MCF2L: variants seen among roughly 807,000 people sequenced by gnomAD.
MCF2L encodes MCF.2 cell line derived transforming sequence like.
Under a neutral mutation model 153.4 loss-of-function variants are expected in MCF2L, and 97 were observed. The ratio of observed to expected loss-of-function variants is 0.63; its 90% CI spans 0.54 to 0.75. The LOEUF (loss-of-function observed/expected upper bound fraction) is 0.75, where lower values mean the gene tolerates loss of function less well. Among genes scored for constraint, MCF2L ranks in the 30% least tolerant of loss-of-function variants. MCF2L has a pLI of 0.00. For missense variants in MCF2L, 1,347 were observed against 1,495.2 expected (o/e 0.90, Z 1.64); for synonymous variants, 659 against 632.2 (o/e 1.04, Z -0.64).
At chr13:113,016,474 C>T (rs971620880) in intron 2 of MCF2L, among the ~76,000 whole-genome samples, 3 of 152,182 alleles carry the variant, frequency 2.0e-5, no homozygotes, top group Non-Finnish European at 4.4e-5. Context: ...AACCCCTCCA[C>T]GTGGGCCCAG....
rs2033573456 is a variant in MCF2L, at chr13:113,077,079, C to G, written c.1528C>G (p.Gln510Glu). The G allele has an allele frequency of 1.2e-6, 2 of 1,612,588 alleles. No individual in the cohort carries two copies. The highest frequency in any genetic ancestry group is 3.3e-5 in the Admixed American group (2 of 59,966). The change falls in exon 13 of 30, where the codon CAG becomes GAG. Residue 510 changes from glutamine to glutamate, a missense_variant. Physicochemically the swap from Gln to Glu is conservative, Grantham distance 29. Coordinates refer to ENST00000535094, the MANE Select transcript of MCF2L (RefSeq NM_001112732.3). ...MEHVRKVFQK[Q>E]ASMEEVFHRR... ...GCACGTGCGAAAGGTCTTCCAGAAG[C>G]AGGCAAGCATGGAGGAGGTGTTCCA...
intron 5 of MCF2L, among the ~76,000 whole-genome samples, chr13:113,063,320 C>T (rs569692910): frequency 2.0e-5 from 3 of 151,490 alleles, no homozygotes; most frequent in South Asian, 4.2e-4. Flanking sequence ...CCCATCCGCT[C>T]AGCTGCCTAC....
Position 112,943,541 on chromosome 13 carries a change from C to T in MCF2L, c.169+41170C>T, listed in dbSNP as rs1424798944. ...GCGGTGCCTTCCAGGGAGGCTGCGC[C>T]TGCAGCACCGCAGCCAGAGCCGAGA... On this transcript the variant is annotated intron_variant, in intron 2 of 29. Coordinates refer to the MCF2L transcript ENST00000375608. This position sits in a 1 kb window ranked among gnomAD's most constrained non-coding sequence, Gnocchi z 4.2. Among the ~76,000 whole-genome samples, 3 of 152,098 alleles carry T rather than the reference C, an allele frequency of 2.0e-5. No individual in the cohort carries two copies. The highest frequency in any genetic ancestry group is 4.4e-5 in the Non-Finnish European group (3 of 67,988).
Position 112,969,470 on chromosome 13 carries a change from T to C in MCF2L, c.79+12T>C. The C allele has an allele frequency of 6.5e-7, 1 of 1,550,252 alleles. No individual in the cohort carries two copies. Among genetic ancestry groups the C allele is most frequent in the African/African-American group, 1.4e-5 (1 of 73,180 alleles). ...TTCCAAGCACACGGGTAGGAGGAGC[T>C]GCTGGCCGTCAGTGATCTGTGCTTA... On this transcript the variant is annotated intron_variant, in intron 1 of 29. Transcript: ENST00000535094. The surrounding 1 kb of genome is among the most constrained non-coding windows in gnomAD (Gnocchi z 4.8).
chr13:112,987,563 G>A (rs898895804), intron 1 of MCF2L, among the ~76,000 whole-genome samples: 6 of 152,250 alleles, frequency 3.9e-5, no homozygotes, highest in Non-Finnish European at 8.8e-5. Flanking sequence ...GCAGACTAAG[G>A]AGGAGGCCGG....
intron 2 of MCF2L, among the ~76,000 whole-genome samples, chr13:112,945,001 ATTTT>A (rs10690779): frequency 9.3e-5 from 13 of 139,358 alleles, no homozygotes; most frequent in Admixed American, 1.4e-4. Context: ...AGGCACCACT[ATTTT>A]TTTTTTTTTT....
chr13:113,088,084 C>G (rs568077), intron 23 of MCF2L, among the ~76,000 whole-genome samples: 107,594 of 152,212 alleles, frequency 0.71, 39,233 homozygotes, highest in Non-Finnish European at 0.77. Context: ...AGGGCCGATT[C>G]TCACGGTGGG....
intron 2 of MCF2L, among the ~76,000 whole-genome samples, chr13:113,016,005 G>A (rs1338569362): frequency 2.6e-5 from 4 of 152,086 alleles, no homozygotes; most frequent in Admixed American, 6.5e-5. Context: ...GGAGGGCCCC[G>A]ACCTGGGCCT....
In MCF2L at chr13:112,904,529, C is replaced by T. The variant is rs1026636728; in HGVS notation, c.169+2158C>T. Among the ~76,000 whole-genome samples the T allele has an allele frequency of 2.0e-5, 3 of 152,232 alleles. No homozygotes were observed. The highest frequency in any genetic ancestry group is 7.2e-5 in the African/African-American group (3 of 41,466). The stretch of plus-strand genomic sequence containing the variant: ...GCCGTGGCTCTTAATAATGTCACAT[C>T]TGACTTCTTCCTCCCCTAACTCGCA... On this transcript the variant is annotated intron_variant, in intron 2 of 29. Transcript: ENST00000375608. This position sits in a 1 kb window ranked among gnomAD's most constrained non-coding sequence, Gnocchi z 4.2.
intron 1 of MCF2L, among the ~76,000 whole-genome samples, chr13:112,999,024 G>A (rs944839573): frequency 2.6e-5 from 4 of 152,184 alleles, no homozygotes; most frequent in Admixed American, 2.0e-4. Context: ...ATGGTTTCCC[G>A]TGTGTGGTTC....
chr13:113,078,812 C>G (rs185153591), intron 15 of MCF2L, 73 bp downstream of exon 15: 3 of 1,327,122 alleles, frequency 2.3e-6, no homozygotes, highest in African/African-American at 1.4e-5. Context: ...CCGTCAGGCA[C>G]TCGAGCAGAT....
intron 2 of MCF2L, among the ~76,000 whole-genome samples, chr13:112,933,170 G>A (rs755417986): frequency 2.7e-4 from 41 of 152,220 alleles, no homozygotes; most frequent in Non-Finnish European, 5.4e-4. Flanking sequence ...AGGTCCGGGC[G>A]CTGGCCCCGC....
chr13:112,968,533 G>C, upstream of MCF2L: 1 of 1,562,918 alleles, frequency 6.4e-7, no homozygotes, highest in East Asian at 2.4e-5. Flanking sequence ...TCCTTGGGCA[G>C]GCGATGCCCC....
intron 2 of MCF2L, among the ~76,000 whole-genome samples, chr13:112,918,313 G>A (rs764890023): frequency 1.1e-4 from 17 of 152,334 alleles, no homozygotes; most frequent in Admixed American, 4.6e-4. Context: ...TCACAGGAAC[G>A]TCACGAGAAC....
At chr13:112,999,781 G>T (rs1449630090) in intron 1 of MCF2L, among the ~76,000 whole-genome samples, 1 of 152,248 alleles carries the variant, frequency 6.6e-6, no homozygotes, top group Non-Finnish European at 1.5e-5. Flanking sequence ...CCACCGTGTG[G>T]CACCGTGATC....
chr13:112,915,424 A>AAAAAAAAAG, intron 2 of MCF2L, among the ~76,000 whole-genome samples: 1 of 150,212 alleles, frequency 6.7e-6, no homozygotes, highest in African/African-American at 2.5e-5. Flanking sequence ...AAAAAAAAAA[A>AAAAAAAAAG]ATCCATCCTC....
At chr13:112,968,587 G>C, upstream of MCF2L, 3 of 1,538,410 alleles carry the variant, frequency 2.0e-6, no homozygotes, top group Non-Finnish European at 2.6e-6. Flanking sequence ...ACGGACCCAC[G>C]CATGGACCCA....
chr13:112,894,957 G>C, intron 1 of MCF2L, among the ~76,000 whole-genome samples: 1 of 101,954 alleles, frequency 9.8e-6, no homozygotes, highest in Admixed American at 9.3e-5. Flanking sequence ...TGCTGGAGGG[G>C]AGGGTAGCCT....
chr13:113,024,504 A>G (rs1352950963), intron 2 of MCF2L, 140 bp from the exon 3 acceptor site: 6 of 590,570 alleles, frequency 1.0e-5, no homozygotes, highest in Non-Finnish European at 1.9e-5. Context: ...CATTTCTTTC[A>G]AATAAAAATT....
Sources: gnomAD v4.1 joint callset for allele counts (sites outside exome capture counted in the v4.1 genomes callset) on GRCh38, gnomAD v4.1.1 for gene constraint, Gnocchi (gnomAD v3.1) non-coding constraint, MANE v1.5 for transcripts, NCBI Gene and HGNC (gene_info 2026-07-23, HGNC 2026-07-21) for gene names.